Variants in ANKRD17 observed in about 807,000 individuals in gnomAD.
The protein encoded by ANKRD17 is ankyrin repeat domain-containing protein 17.
A neutral mutation model predicts 229.7 loss-of-function variants in ANKRD17; 19 were observed. The ratio of observed to expected loss-of-function variants is 0.08; its 90% CI spans 0.06 to 0.12. The LOEUF (loss-of-function observed/expected upper bound fraction) is 0.12. Ranked by LOEUF, ANKRD17 falls within the 10% of genes least tolerant of loss-of-function variation. ANKRD17 has a pLI of 1.00. For missense variants in ANKRD17, 2,176 were observed against 3,176.8 expected, an observed-to-expected ratio of 0.68 and a Z score of 7.57; for synonymous variants, 1,112 against 1,146.1, an observed-to-expected ratio of 0.97 and a Z score of 0.60.
At chr4:73,120,128 G>C (rs370155654) in intron 21 of ANKRD17, 34 bp downstream of exon 21, 1 of 1,590,628 alleles carries the variant, frequency 6.3e-7, no homozygotes, top group Non-Finnish European at 8.6e-7. Flanking sequence ...AGTAACACTT[G>C]TGTTCATATA....
In ANKRD17 at chr4:73,120,989, C is replaced by T. The variant is rs762907687; in HGVS notation, c.3741G>A (p.Gln1247=). 6.2e-7 allele frequency: 1 copy of T among 1,613,858 alleles called. No individual in the cohort carries two copies. The highest frequency in any genetic ancestry group is 8.5e-7 in the Non-Finnish European group (1 of 1,179,930). ...GGGCAGTGTTCCGATTGGTTTCTAT[C>T]TGAGCATTTATGTCAGAGCCCATGT... The part of the protein sequence containing the change: ...LLDMGSDINA[Q]IETNRNTALT... Residue 1247 remains glutamine, a synonymous_variant, in exon 20 of 34, where the codon CAG becomes CAA. Transcript: ENST00000358602.
chr4:73,107,615 T>G (rs557713920), intron 24 of ANKRD17, among the ~76,000 whole-genome samples: 1 of 152,144 alleles, frequency 6.6e-6, no homozygotes, highest in African/African-American at 2.4e-5. Context: ...CCTCATGAGA[T>G]GAAGTTAAGT....
chr4:73,162,962 T>C (rs1313270987), intron 2 of ANKRD17, among the ~76,000 whole-genome samples: 1 of 151,826 alleles, frequency 6.6e-6, no homozygotes, highest in Non-Finnish European at 1.5e-5. Flanking sequence ...CGGGCTCAAG[T>C]GATCCCCCAC....
intron 25 of ANKRD17, chr4:73,101,009 TAAC>T: frequency 1.0e-6 from 1 of 971,406 alleles, no homozygotes; most frequent in Non-Finnish European, 1.2e-6. Flanking sequence ...AAATACAGTA[TAAC>T]AACTATTTAC....
intron 1 of ANKRD17, among the ~76,000 whole-genome samples, chr4:73,218,153 A>G (rs1741338604): frequency 6.6e-6 from 1 of 152,370 alleles, no homozygotes; most frequent in Admixed American, 6.5e-5. Flanking sequence ...AAAGATTTGC[A>G]TAAAAGTGAC....
chr4:73,131,388 G>A (rs1216837148), intron 16 of ANKRD17, among the ~76,000 whole-genome samples: 1 of 152,202 alleles, frequency 6.6e-6, no homozygotes, highest in Non-Finnish European at 1.5e-5. Context: ...TTAAAGGTCT[G>A]ACCATTTTCC....
At chr4:73,077,136 C>T in intron 32 of ANKRD17, 32 bp from the exon 33 acceptor site, 1 of 1,523,778 alleles carries the variant, frequency 6.6e-7, no homozygotes. Flanking sequence ...CATTAACATC[C>T]AAGTCATTGT....
chr4:73,078,902 A>G lies in ANKRD17; in HGVS notation c.7160-12T>C. 1.2e-5 allele frequency: 19 copies of G among 1,603,110 alleles called. No homozygotes were observed. The highest frequency in any genetic ancestry group is 1.6e-5 in the Non-Finnish European group (19 of 1,174,988). On this transcript the variant is annotated splice_polypyrimidine_tract_variant and intron_variant, in intron 30 of 33. Coordinates refer to ENST00000358602, the MANE Select transcript of ANKRD17 (RefSeq NM_032217.5). ...CTGTGCAGAAGAATCTAGAGAAGAG[A>G]TATTTTGAAATAAAATACAGGTCAT...
intron 16 of ANKRD17, among the ~76,000 whole-genome samples, chr4:73,134,670 T>G (rs1728661173): frequency 6.6e-6 from 1 of 152,192 alleles, no homozygotes; most frequent in Non-Finnish European, 1.5e-5. Context: ...CACCACATAT[T>G]TCAATCAGTA....
In ANKRD17 at chr4:73,161,340, T is replaced by C; in HGVS notation, c.556A>G (p.Lys186Glu). Residue 186 changes from lysine (K) to glutamate (E), a missense_variant, in exon 3 of 34, where the codon AAA (lysine) becomes GAA (glutamate). Around this residue, in one of 18 missense-constraint regions of ANKRD17, gnomAD observed 184 missense variants for 357.8 expected, o/e 0.51. Coordinates refer to ENST00000358602, the MANE Select transcript of ANKRD17 (RefSeq NM_032217.5). ...GCTTTACCATCAGCCGTGGACAATT[T>C]TCCTATTCCTATTATATTATTTTCA... ...EALLEAAGIG[K>E]LSTADGKAFA... 1 of 1,613,938 alleles carries C rather than the reference T, an allele frequency of 6.2e-7. No homozygotes were observed. The highest frequency in any genetic ancestry group is 8.5e-7 in the Non-Finnish European group (1 of 1,179,948).
intron 24 of ANKRD17, among the ~76,000 whole-genome samples, chr4:73,103,155 C>T (rs532504795): frequency 4.8e-4 from 73 of 151,084 alleles, no homozygotes; most frequent in African/African-American, 1.5e-3. Flanking sequence ...AGATAGGCAC[C>T]GTAAGTATTA....
rs1310041956 is a variant in ANKRD17 at position 73,076,272 on chromosome 4, C to T, written c.7771G>A (p.Ala2591Thr). 1 of 1,610,238 alleles carries T rather than the reference C, an allele frequency of 6.2e-7. No individual in the cohort carries two copies. The highest frequency in any genetic ancestry group is 2.2e-5 in the East Asian group (1 of 44,546). Residue 2591 changes from alanine to threonine, a missense_variant, in exon 34 of 34, where the codon GCA (alanine) becomes ACA (threonine). Coordinates refer to ENST00000358602, the MANE Select transcript of ANKRD17 (RefSeq NM_032217.5). ...GPQTVWTGPW[A>T]PHMNSVHMNQ... is the part of the protein sequence containing the mutation. ...ATATGCACACTGTTCATGTGAGGTG[C>T]CCAGGGTCCAGTCCACACCTATGAA...
In ANKRD17 at chr4:73,094,135, T is replaced by A; in HGVS notation, c.5271A>T (p.Ala1757=). Residue 1757 remains alanine (A), a synonymous_variant, in exon 28 of 34, where the codon GCA becomes GCT. Transcript: ENST00000358602. ...CTTTCTGTTTATCAATATCTATGTG[T>A]GCACCAGTAAACTCCCGAATAGCAT... ...NINAIREFTG[A]HIDIDKQKDK... The A allele has an allele frequency of 6.2e-7, 1 of 1,613,852 alleles. No homozygotes were observed. Among genetic ancestry groups the A allele is most frequent in the Non-Finnish European group, 8.5e-7 (1 of 1,179,854 alleles).
chr4:73,160,210 C>CTTTTTTTTTTTTTTTTTTTTTTTTT (rs144486458), intron 3 of ANKRD17, among the ~76,000 whole-genome samples: 1 of 61,562 alleles, frequency 1.6e-5, no homozygotes, highest in African/African-American at 6.8e-5. Flanking sequence ...TTTCTTATCA[C>CTTTTTTTTTTTTTTTTTTTTTTTTT]TTTTTTTTTT....
intron 27 of ANKRD17, among the ~76,000 whole-genome samples, chr4:73,095,446 C>CA (rs1006966440): frequency 2.7e-5 from 4 of 148,160 alleles, no homozygotes; most frequent in Non-Finnish European, 6.0e-5. Context: ...ACTAAAAATA[C>CA]AAAAAATTAC....
chr4:73,111,893 GACAA>G (rs1725366740), intron 24 of ANKRD17, among the ~76,000 whole-genome samples: 1 of 152,156 alleles, frequency 6.6e-6, no homozygotes, highest in African/African-American at 2.4e-5. Context: ...TAGTAATAGA[GACAA>G]ACAAGATAAT....
intron 2 of ANKRD17, among the ~76,000 whole-genome samples, chr4:73,162,706 T>A (rs1428136080): frequency 1.3e-5 from 2 of 152,096 alleles, no homozygotes; most frequent in African/African-American, 4.8e-5. Flanking sequence ...CAGAGATGGT[T>A]AGTAACCATC....
At chr4:73,088,000 G>C (rs912640184) in intron 29 of ANKRD17, among the ~76,000 whole-genome samples, 2 of 151,216 alleles carry the variant, frequency 1.3e-5, no homozygotes, top group Non-Finnish European at 2.9e-5. Flanking sequence ...AGGAAGGGAG[G>C]GGAGTGAGGG....
intron 1 of ANKRD17, among the ~76,000 whole-genome samples, chr4:73,233,335 T>C (rs1032778637): frequency 2.0e-5 from 3 of 152,180 alleles, no homozygotes; most frequent in Admixed American, 6.5e-5. Context: ...TTTTATATTA[T>C]AAAGGTTTAT....
Sources: allele counts gnomAD v4.1 joint callset (sites outside exome capture counted in the v4.1 genomes callset), GRCh38; gene constraint gnomAD v4.1.1; regional missense constraint gnomAD v4.1.1; transcripts MANE v1.5; gene names NCBI Gene and HGNC (gene_info 2026-07-23, HGNC 2026-07-21).